The following GALNT7 variants were observed in gnomAD, a reference collection of about 807,000 sequenced individuals.
The protein encoded by GALNT7 is N-acetylgalactosaminyltransferase 7.
Under a neutral mutation model 82.1 loss-of-function variants are expected in GALNT7, and 60 were observed. That is an observed-to-expected ratio of 0.73 (90% CI 0.59 to 0.91). The LOEUF is 0.91. Ranked by LOEUF, GALNT7 falls within the 40% of genes least tolerant of loss-of-function variation. The pLI is 0.00. For synonymous variants in GALNT7, 243 were observed against 275.1 expected, an observed-to-expected ratio of 0.88 and a Z score of 1.15; for missense variants, 660 against 804.2, an observed-to-expected ratio of 0.82 and a Z score of 2.17.
intron 1 of GALNT7, among the ~76,000 whole-genome samples, chr4:173,203,157 G>A (rs1027184844): frequency 3.3e-5 from 5 of 151,890 alleles, no homozygotes; most frequent in Admixed American, 6.6e-5. Context: ...GTGCAGTGGC[G>A]CAATCTAGGC....
chr4:173,205,662 C>T (rs756105622), intron 1 of GALNT7, among the ~76,000 whole-genome samples: 11 of 152,080 alleles, frequency 7.2e-5, no homozygotes, highest in Non-Finnish European at 1.5e-4. Context: ...AGACCCATCC[C>T]CTGTCACTGG....
At chr4:173,222,341 C>T (rs553380110) in intron 1 of GALNT7, among the ~76,000 whole-genome samples, 7 of 152,210 alleles carry the variant, frequency 4.6e-5, no homozygotes, top group African/African-American at 1.2e-4. Flanking sequence ...GACGTGATGT[C>T]GGCTCACTGC....
chr4:173,292,469 G>T lies in GALNT7; in HGVS notation c.754+195G>T, dbSNP rs1736580268. ...AATACTAACAGTAATCCTTTCAGTG[G>T]ATATCATTATGTCCATTTTACACGC... On this transcript the variant is annotated intron_variant, in intron 3 of 11. Transcript: ENST00000265000. This position sits in a 1 kb window ranked among gnomAD's most constrained non-coding sequence, Gnocchi z 4.8. Among the ~76,000 whole-genome samples the T allele has an allele frequency of 6.6e-6, 1 of 152,144 alleles. No individual in the cohort carries two copies. Among genetic ancestry groups the T allele is most frequent in the Non-Finnish European group, 1.5e-5 (1 of 68,020 alleles).
At chr4:173,300,632 A>G (rs1320317992) in intron 6 of GALNT7, among the ~76,000 whole-genome samples, 3 of 151,904 alleles carry the variant, frequency 2.0e-5, no homozygotes, top group Non-Finnish European at 4.4e-5. Flanking sequence ...ACGGGAAGAG[A>G]GTCCATGGTG....
intron 1 of GALNT7, among the ~76,000 whole-genome samples, chr4:173,197,900 G>A (rs926483165): frequency 1.2e-4 from 19 of 152,170 alleles, no homozygotes; most frequent in Admixed American, 2.6e-4. Flanking sequence ...ACACATCAGA[G>A]CCTCACTTTC....
intron 2 of GALNT7, among the ~76,000 whole-genome samples, chr4:173,258,476 T>C (rs1040784549): frequency 2.0e-5 from 3 of 152,234 alleles, no homozygotes; most frequent in African/African-American, 7.2e-5. Flanking sequence ...ACTCTGTTGC[T>C]GTGACTGCTG....
At chr4:173,263,643 G>A (rs938303996) in intron 2 of GALNT7, among the ~76,000 whole-genome samples, 1 of 152,166 alleles carries the variant, frequency 6.6e-6, no homozygotes, top group African/African-American at 2.4e-5. Context: ...ACTGGAAGGA[G>A]TAATTTATTT....
intron 2 of GALNT7, among the ~76,000 whole-genome samples, chr4:173,288,851 CTT>C (rs1364925101): frequency 2.0e-5 from 3 of 151,910 alleles, no homozygotes; most frequent in African/African-American, 7.2e-5. Context: ...CACAACAACT[CTT>C]TGTCTTAGTA....
chr4:173,223,724 C>T (rs1480956296), intron 1 of GALNT7, among the ~76,000 whole-genome samples: 1 of 152,112 alleles, frequency 6.6e-6, no homozygotes, highest in Admixed American at 6.5e-5. Context: ...AAGACTAGTA[C>T]AATGAACATT....
At chr4:173,256,865 A>T (rs559544577) in intron 2 of GALNT7, among the ~76,000 whole-genome samples, 9 of 152,214 alleles carry the variant, frequency 5.9e-5, no homozygotes, top group Non-Finnish European at 1.2e-4. Context: ...CAACACTTAT[A>T]TAGAAGGAAT....
intron 1 of GALNT7, among the ~76,000 whole-genome samples, chr4:173,237,858 TTAGCTCTTC>T (rs1033157484): frequency 2.6e-5 from 4 of 152,126 alleles, no homozygotes; most frequent in African/African-American, 9.7e-5. Flanking sequence ...AGAGAGAGTC[TTAGCTCTTC>T]TAGGTACTAA....
chr4:173,178,055 G>GCGCA (rs879035370), intron 1 of GALNT7, among the ~76,000 whole-genome samples: 2 of 125,852 alleles, frequency 1.6e-5, no homozygotes, highest in Non-Finnish European at 1.6e-5. Context: ...GTGTGTGTGC[G>GCGCA]CGCACGCGCG....
At chr4:173,215,438 C>T (rs563191194) in intron 1 of GALNT7, among the ~76,000 whole-genome samples, 2 of 152,100 alleles carry the variant, frequency 1.3e-5, no homozygotes, top group South Asian at 4.2e-4. Context: ...ACCATGTTGC[C>T]CAGGCTGGTC....
chr4:173,220,466 CT>C, intron 1 of GALNT7, among the ~76,000 whole-genome samples: 1 of 152,106 alleles, frequency 6.6e-6, no homozygotes, highest in East Asian at 1.9e-4. Context: ...CTTGCATTGG[CT>C]ATGCGAGCTC....
chr4:173,273,176 G>C (rs1735789389), intron 2 of GALNT7, among the ~76,000 whole-genome samples: 1 of 152,182 alleles, frequency 6.6e-6, no homozygotes, highest in Non-Finnish European at 1.5e-5. Flanking sequence ...ATTGTAATTA[G>C]AGTACATCGA....
intron 9 of GALNT7, 27 bp downstream of exon 9, chr4:173,314,203 G>A (rs1434764352): frequency 4.3e-6 from 6 of 1,389,436 alleles, no homozygotes; most frequent in Admixed American, 1.7e-5. Context: ...CAAAATGTAT[G>A]TGTTTGTAGA....
chr4:173,315,367 C>T (rs1737556549), intron 9 of GALNT7, among the ~76,000 whole-genome samples: 1 of 152,076 alleles, frequency 6.6e-6, no homozygotes, highest in East Asian at 1.9e-4. Flanking sequence ...TGTGAAGTAC[C>T]TGCTAGGCGT....
In GALNT7 at chr4:173,255,159, AG is replaced by A. The variant is rs552467855; in HGVS notation, c.587+6721del. ...GTGAGGCTACAAAAACTGGAAATCA[AG>A]GTAACTTGTTTCTCTAAACTTCCAT... On this transcript the variant is annotated intron_variant, in intron 2 of 11. Coordinates refer to ENST00000265000, the MANE Select transcript of GALNT7 (RefSeq NM_017423.3). Among the ~76,000 whole-genome samples, 574 of 152,340 alleles carry A rather than the reference AG, an allele frequency of 3.8e-3. 6 individuals are homozygous for A. The highest frequency in any genetic ancestry group is 0.013 in the African/African-American group (553 of 41,580).
intron 1 of GALNT7, among the ~76,000 whole-genome samples, chr4:173,209,849 T>A (rs1422659628): frequency 3.9e-5 from 6 of 152,192 alleles, no homozygotes; most frequent in Admixed American, 3.9e-4. Flanking sequence ...TACGAAACAC[T>A]CATGGCTGGG....
Sources: gnomAD v4.1 joint callset for allele counts (sites outside exome capture counted in the v4.1 genomes callset) on GRCh38, gnomAD v4.1.1 for gene constraint, Gnocchi (gnomAD v3.1) non-coding constraint, MANE v1.5 for transcripts, NCBI Gene and HGNC (gene_info 2026-07-23, HGNC 2026-07-21) for gene names.